The following PTPRN2 variants were observed in gnomAD, a reference collection of about 807,000 sequenced individuals.
The protein encoded by PTPRN2 is receptor-type tyrosine-protein phosphatase N2.
In PTPRN2, 74 loss-of-function variants were observed where a neutral mutation model predicts 118.8. The ratio of observed to expected loss-of-function variants is 0.62; its 90% confidence interval spans 0.52 to 0.76. PTPRN2 has a LOEUF of 0.76. Among genes scored for constraint, PTPRN2 ranks in the 30% least tolerant of loss-of-function variants. PTPRN2 has a pLI of 0.00. For missense variants in PTPRN2, 1,481 were observed against 1,394.4 expected, an observed-to-expected ratio of 1.06 and a Z score of -0.99; for synonymous variants, 641 against 608.0, an observed-to-expected ratio of 1.05 and a Z score of -0.80.
chr7:157,658,540 C>T (rs535609852), intron 13 of PTPRN2, among the ~76,000 whole-genome samples: 5 of 152,310 alleles, frequency 3.3e-5, no homozygotes, highest in East Asian at 1.9e-4. Context: ...CCTGCCCGGC[C>T]GTATGGGACC....
intron 20 of PTPRN2, among the ~76,000 whole-genome samples, chr7:157,570,163 GCC>G (rs1244957099): frequency 2.6e-5 from 4 of 152,250 alleles, no homozygotes; most frequent in Non-Finnish European, 5.9e-5. Context: ...GGCCTGGGCC[GCC>G]ACGTAACCCT....
intron 3 of PTPRN2, among the ~76,000 whole-genome samples, chr7:158,285,371 G>A (rs1304615721): frequency 6.6e-6 from 1 of 152,198 alleles, no homozygotes; most frequent in East Asian, 1.9e-4. Flanking sequence ...GGCTGCAGGA[G>A]AGACCAGCAA....
intron 2 of PTPRN2, among the ~76,000 whole-genome samples, chr7:158,383,040 G>A (rs1482708762): frequency 1.3e-5 from 2 of 152,044 alleles, no homozygotes; most frequent in Non-Finnish European, 2.9e-5. Flanking sequence ...ATTGATAAAT[G>A]GCACACTCCG....
At chr7:158,050,157 A>T (rs1809219899) in intron 11 of PTPRN2, among the ~76,000 whole-genome samples, 1 of 152,222 alleles carries the variant, frequency 6.6e-6, no homozygotes, top group Admixed American at 6.5e-5. Flanking sequence ...AAGTGGCCTC[A>T]GAAAGGTTAC....
At chr7:157,554,969 C>T (rs1031055027) in intron 21 of PTPRN2, among the ~76,000 whole-genome samples, 4 of 152,158 alleles carry the variant, frequency 2.6e-5, no homozygotes, top group South Asian at 2.1e-4. Context: ...CCCAGTGTGG[C>T]GGGCGCCCCA....
In PTPRN2 at chr7:158,236,196, C is replaced by T. The variant is rs532977610; in HGVS notation, c.278-30923G>A. ...ATCGCAAACAGAGCCCCTTACGGTACGTTAGGGGATGGTGTGGAAACGCTT... is the reference window on the plus strand; with the variant it reads ...ATCGCAAACAGAGCCCCTTACGGTATGTTAGGGGATGGTGTGGAAACGCTT... On this transcript the variant is annotated intron_variant, in intron 3 of 22. Coordinates refer to ENST00000389418, the MANE Select transcript of PTPRN2 (RefSeq NM_002847.5). 1.6e-3 allele frequency among the ~76,000 whole-genome samples: 243 copies of T among 152,238 alleles called. 2 individuals carry two copies. Among genetic ancestry groups the T allele is most frequent in the African/African-American group, 5.6e-3 (232 of 41,544 alleles).
chr7:157,843,340 C>A (rs75039051), intron 12 of PTPRN2, among the ~76,000 whole-genome samples: 4,627 of 152,258 alleles, frequency 0.03, 105 homozygotes, highest in Middle Eastern at 0.058. Flanking sequence ...TGTATAATTA[C>A]AAGAAAACAA....
At chr7:157,654,301 C>T (rs1334030395) in intron 14 of PTPRN2, among the ~76,000 whole-genome samples, 1 of 149,062 alleles carries the variant, frequency 6.7e-6, no homozygotes, top group African/African-American at 2.5e-5. Flanking sequence ...CCGCTCCCCA[C>T]ACCCTCCCCA....
chr7:157,996,848 A>G (rs1411689535), intron 11 of PTPRN2, among the ~76,000 whole-genome samples: 2 of 152,150 alleles, frequency 1.3e-5, no homozygotes, highest in East Asian at 3.9e-4. Context: ...GGGACCATGT[A>G]TGACCTGAGC....
At position 158,236,652 on chromosome 7, in the gene PTPRN2, C is replaced by T. The variant is rs183229939; in HGVS notation, c.278-31379G>A. Among the ~76,000 whole-genome samples the T allele has an allele frequency of 2.3e-3, 355 of 152,300 alleles. 2 individuals are homozygous for T. In the East Asian group the frequency reaches 0.024, roughly 10 times the overall value. On this transcript the variant is annotated intron_variant, in intron 3 of 22. Transcript: ENST00000389418. ...GGACTCCCCACAGGGCCAGTGGAAC[C>T]TGTCCCTGCCTGGCCCCCCAGTTAC... is the stretch of plus-strand genomic sequence containing the variant.
At chr7:157,995,889 G>A (rs1265721791) in intron 11 of PTPRN2, among the ~76,000 whole-genome samples, 1 of 152,222 alleles carries the variant, frequency 6.6e-6, no homozygotes, top group Non-Finnish European at 1.5e-5. Flanking sequence ...GTCCATCAGT[G>A]GATGAATGGA....
intron 13 of PTPRN2, among the ~76,000 whole-genome samples, chr7:157,662,604 C>T (rs1263565): frequency 0.28 from 42,645 of 151,988 alleles, 6,317 homozygotes; most frequent in East Asian, 0.51. Flanking sequence ...AAGGCTAGGC[C>T]GCAATGGCAC....
Position 158,405,696 on chromosome 7 carries a change from C to T in PTPRN2, c.163+84039G>A, listed in dbSNP as rs73729801. 5.3e-3 allele frequency among the ~76,000 whole-genome samples: 811 copies of T among 152,376 alleles called. 12 individuals carry two copies. Among genetic ancestry groups the T allele is most frequent in the African/African-American group, 0.018 (731 of 41,576 alleles). ...ATACTCTTAATACAGTGAAACTTATCTGTGTGTGGAGCCTGCACTTGGAAA... is the reference window on the plus strand; with the variant it reads ...ATACTCTTAATACAGTGAAACTTATTTGTGTGTGGAGCCTGCACTTGGAAA... On this transcript the variant is annotated intron_variant, in intron 2 of 22. Transcript: ENST00000389418.
intron 21 of PTPRN2, among the ~76,000 whole-genome samples, chr7:157,552,451 C>T (rs117813035): frequency 0.01 from 1,558 of 152,094 alleles, 10 homozygotes; most frequent in Middle Eastern, 0.017. Flanking sequence ...TCACACACCC[C>T]AACTGCTGAC....
chr7:157,630,576 C>T (rs1247816098), intron 14 of PTPRN2, among the ~76,000 whole-genome samples: 2 of 152,174 alleles, frequency 1.3e-5, no homozygotes, highest in African/African-American at 4.8e-5. Flanking sequence ...CTGAAACAGG[C>T]ATTGTTCCGG....
intron 3 of PTPRN2, among the ~76,000 whole-genome samples, chr7:158,283,198 A>G (rs1018252755): frequency 6.6e-6 from 1 of 152,258 alleles, no homozygotes; most frequent in African/African-American, 2.4e-5. Context: ...TGTATTCGCC[A>G]CAATAAGAAA....
chr7:157,717,175 G>C (rs1798967032), intron 12 of PTPRN2, among the ~76,000 whole-genome samples: 1 of 152,244 alleles, frequency 6.6e-6, no homozygotes, highest in South Asian at 2.1e-4. Flanking sequence ...CACCAAAATC[G>C]ATCCACGAGG....
intron 2 of PTPRN2, among the ~76,000 whole-genome samples, chr7:158,396,415 CAT>C (rs1812503689): frequency 6.6e-6 from 1 of 152,284 alleles, no homozygotes; most frequent in East Asian, 1.9e-4. Context: ...TGTGTGTGTA[CAT>C]GTGCACGTGT....
chr7:157,811,869 TG>T (rs1425154377), intron 12 of PTPRN2, among the ~76,000 whole-genome samples: 1 of 152,110 alleles, frequency 6.6e-6, no homozygotes, highest in Non-Finnish European at 1.5e-5. Context: ...TTATACATTT[TG>T]GGGTCCCTGG....
Sources: gnomAD v4.1 joint callset for allele counts (sites outside exome capture counted in the v4.1 genomes callset) on GRCh38, gnomAD v4.1.1 for gene constraint, MANE v1.5 for transcripts, NCBI Gene and HGNC (gene_info 2026-07-23, HGNC 2026-07-21) for gene names.